Variants in BTBD10 observed in about 807,000 individuals in gnomAD.
The protein encoded by BTBD10 is BTB domain containing 10.
A neutral mutation model predicts 53.2 loss-of-function variants in BTBD10; 21 were observed. The ratio of observed to expected loss-of-function variants is 0.39; its 90% CI spans 0.28 to 0.57. BTBD10 has a LOEUF of 0.57. BTBD10 is among the 20% of genes least tolerant of loss of function. BTBD10 has a pLI of 0.53. For synonymous variants in BTBD10, 149 were observed against 192.7 expected (o/e 0.77, Z 1.88); for missense variants, 360 against 594.7 (o/e 0.61, Z 4.10).
At chr11:13,448,198 G>A (rs1950784260) in intron 1 of BTBD10, among the ~76,000 whole-genome samples, 1 of 151,960 alleles carries the variant, frequency 6.6e-6, no homozygotes, top group African/African-American at 2.4e-5. Flanking sequence ...ATCTTAGAAA[G>A]GGGAAAAAAG....
At chr11:13,424,416 ATT>A in intron 2 of BTBD10, among the ~76,000 whole-genome samples, 1 of 152,332 alleles carries the variant, frequency 6.6e-6, no homozygotes, top group East Asian at 1.9e-4. Flanking sequence ...ACACTTTCAT[ATT>A]TTCTTTTAAT....
intron 2 of BTBD10, among the ~76,000 whole-genome samples, chr11:13,442,583 A>G (rs1388532887): frequency 6.6e-6 from 1 of 152,048 alleles, no homozygotes; most frequent in East Asian, 1.9e-4. Context: ...CTAATACTCT[A>G]ATCATCCAGG....
intron 7 of BTBD10, 92 bp downstream of exon 7, chr11:13,405,567 C>T (rs1223483296): frequency 5.0e-6 from 7 of 1,397,580 alleles, no homozygotes. Context: ...TGGATTGACC[C>T]CCAGGCTGGT....
chr11:13,422,297 CA>C (rs1417165814), intron 2 of BTBD10, among the ~76,000 whole-genome samples: 1 of 152,158 alleles, frequency 6.6e-6, no homozygotes, highest in East Asian at 1.9e-4. Flanking sequence ...TTCAATCAAC[CA>C]ACTTTCAGTT....
At position 13,445,009 on chromosome 11, in the gene BTBD10, A is replaced by G. The variant is rs765335551; in HGVS notation, c.101+15T>C. On this transcript the variant is annotated intron_variant, in intron 2 of 8. Coordinates refer to ENST00000278174, the MANE Select transcript of BTBD10 (RefSeq NM_032320.7). ...AGCAGAGCTTTCATATGCGAAATACATATTTTCTACCTACCTTGAATGTTT... is the reference window on the plus strand; with the variant it reads ...AGCAGAGCTTTCATATGCGAAATACGTATTTTCTACCTACCTTGAATGTTT... 5 of 1,583,726 alleles carry G rather than the reference A, an allele frequency of 3.2e-6. No homozygotes were observed. The highest frequency in any genetic ancestry group is 2.2e-5 in the East Asian group (1 of 44,696).
At chr11:13,429,435 T>C (rs1489546198) in intron 2 of BTBD10, among the ~76,000 whole-genome samples, 1 of 152,128 alleles carries the variant, frequency 6.6e-6, no homozygotes. Flanking sequence ...ACTGGCATAA[T>C]GACAGGCACA....
At chr11:13,404,535 C>T (rs1056971034) in intron 7 of BTBD10, 13 of 877,616 alleles carry the variant, frequency 1.5e-5, no homozygotes, top group African/African-American at 1.8e-5. Context: ...ACTCCTTTTC[C>T]TTAACAGAAA....
chr11:13,406,681 G>C (rs1284472125), intron 6 of BTBD10, among the ~76,000 whole-genome samples: 1 of 151,604 alleles, frequency 6.6e-6, no homozygotes, highest in South Asian at 2.1e-4. Flanking sequence ...CTGGAGAAGG[G>C]GTGAAGGAAG....
chr11:13,436,477 TAAC>T (rs966803710), intron 2 of BTBD10, among the ~76,000 whole-genome samples: 9 of 152,050 alleles, frequency 5.9e-5, no homozygotes, highest in East Asian at 1.9e-4. Context: ...TGGGACCAAA[TAAC>T]AACAACAACA....
chr11:13,451,199 C>A lies in BTBD10; in HGVS notation c.-57-6018G>T, dbSNP rs141743556. Among the ~76,000 whole-genome samples the A allele has an allele frequency of 2.0e-4, 31 of 152,162 alleles. No homozygotes were observed. The East Asian group carries it at 6.0e-3, about 29-fold the overall frequency. ...AGGGGAGGGACATCAGGTAGCCTGG[C>A]AGAAAAAGCAGGCAGAGACCATAGA... is the stretch of plus-strand genomic sequence containing the variant. On this transcript the variant is annotated intron_variant, in intron 1 of 8. Transcript: ENST00000278174.
At chr11:13,397,520 G>GT (rs1174196285) in intron 8 of BTBD10, among the ~76,000 whole-genome samples, 14 of 152,074 alleles carry the variant, frequency 9.2e-5, no homozygotes, top group African/African-American at 3.4e-4. Context: ...TTTTTGAAGG[G>GT]TTTTTTGTGT....
intron 1 of BTBD10, among the ~76,000 whole-genome samples, chr11:13,460,722 T>C (rs996135490): frequency 3.9e-5 from 6 of 152,184 alleles, no homozygotes; most frequent in Non-Finnish European, 8.8e-5. Context: ...CCAATCTCCA[T>C]CTGGCATGGA....
Position 13,388,067 on chromosome 11 carries a change from T to C in BTBD10, c.*764A>G, listed in dbSNP as rs1041282616. 11 of 152,452 alleles carry C rather than the reference T, an allele frequency of 7.2e-5. No homozygotes were observed. Among genetic ancestry groups the C allele is most frequent in the African/African-American group, 2.7e-4 (11 of 41,392 alleles). The allele number at this position is 152,452 out of a possible 1,614,324, so 9.4% of individuals were successfully genotyped here. ...TTTGATGAAAAACTCAAGTTTACAA[T>C]CATTTAGTAAATGAAGAGCAAACAC... On this transcript the variant is annotated 3_prime_UTR_variant, in exon 9 of 9. Coordinates refer to ENST00000278174, the MANE Select transcript of BTBD10 (RefSeq NM_032320.7).
intron 1 of BTBD10, among the ~76,000 whole-genome samples, chr11:13,447,862 T>C (rs1422775941): frequency 3.9e-5 from 6 of 152,178 alleles, no homozygotes; most frequent in Non-Finnish European, 7.4e-5. Context: ...ATTGAGATGT[T>C]TGGAAAAACT....
In BTBD10 at chr11:13,413,624, A is replaced by G. The variant is rs764423129; in HGVS notation, c.714T>C (p.Arg238=). 6.2e-7 allele frequency: 1 copy of G among 1,611,622 alleles called. No homozygotes were observed. The highest frequency in any genetic ancestry group is 2.2e-5 in the East Asian group (1 of 44,706). The change falls in exon 6 of 9, where the codon CGT becomes CGC. Residue 238 remains arginine, a synonymous_variant. Transcript: ENST00000278174. ...CAGGAATAGATATGCCATCAGGACA[A>G]CGGATTATTCCTGTTTTATAGTAAT... ...ILDYYKTGII[R]CPDGISIPEL... is the part of the protein sequence containing the mutation.
intron 2 of BTBD10, among the ~76,000 whole-genome samples, chr11:13,426,729 T>C (rs1473109361): frequency 6.6e-6 from 1 of 151,580 alleles, no homozygotes; most frequent in Non-Finnish European, 1.5e-5. Context: ...ATACAGTTAA[T>C]ATACCAAAAA....
chr11:13,456,293 A>G (rs1014712999), intron 1 of BTBD10, among the ~76,000 whole-genome samples: 1 of 152,216 alleles, frequency 6.6e-6, no homozygotes, highest in Non-Finnish European at 1.5e-5. Flanking sequence ...AACATAAAGA[A>G]CTTCAATATA....
At chr11:13,415,848 G>T (rs567808903) in intron 5 of BTBD10, among the ~76,000 whole-genome samples, 63 of 151,594 alleles carry the variant, frequency 4.2e-4, no homozygotes, top group African/African-American at 1.4e-3. Context: ...TAGAGATGGG[G>T]TTTTGCCATG....
chr11:13,417,608 G>A (rs937441362), intron 4 of BTBD10, among the ~76,000 whole-genome samples: 2 of 152,018 alleles, frequency 1.3e-5, no homozygotes, highest in Non-Finnish European at 2.9e-5. Flanking sequence ...AAAAAAAAGG[G>A]AAACCAGGTT....
Sources: gnomAD v4.1 joint callset for allele counts (sites outside exome capture counted in the v4.1 genomes callset) on GRCh38, gnomAD v4.1.1 for gene constraint, MANE v1.5 for transcripts, NCBI Gene and HGNC (gene_info 2026-07-23, HGNC 2026-07-21) for gene names.